Variants in STK4 observed in about 807,000 individuals in gnomAD.
STK4 encodes serine/threonine kinase 4, also known as serine/threonine-protein kinase 4.
Under a neutral mutation model 64.9 loss-of-function variants are expected in STK4, and 30 were observed. The observed-to-expected ratio is 0.46, with a 90% CI of 0.35 to 0.63. The LOEUF is 0.63. STK4 is among the 20% of genes least tolerant of loss of function. The probability of loss-of-function intolerance (pLI) is 0.01; values close to 1 mark genes in which losing one functional copy is unlikely to be tolerated. For synonymous variants in STK4, 177 were observed against 199.0 expected, an observed-to-expected ratio of 0.89 and a Z score of 0.93; for missense variants, 466 against 598.5, an observed-to-expected ratio of 0.78 and a Z score of 2.31.
chr20:45,000,467 A>G lies in STK4; in HGVS notation c.907A>G (p.Lys303Glu). The G allele has an allele frequency of 6.2e-7, 1 of 1,614,144 alleles. No homozygotes were observed. The highest frequency in any genetic ancestry group is 8.5e-7 in the Non-Finnish European group (1 of 1,179,986). ...LINEAMDVKLKRQESQQREVD... is the reference protein window; with the variant it reads ...LINEAMDVKLERQESQQREVD... ...TAATGAAGCCATGGATGTGAAACTG[A>G]AACGCCAGGAATCCCAGCAGCGGGA... Residue 303 changes from lysine (K) to glutamate (E), a missense_variant, in exon 8 of 11, where the codon AAA (lysine) becomes GAA (glutamate). This residue lies in a region of STK4 where 276 missense variants were observed against 308.9 expected (regional missense o/e 0.89). Coordinates refer to ENST00000372806, the MANE Select transcript of STK4 (RefSeq NM_006282.5).
chr20:45,027,247 A>G (rs922038437), intron 10 of STK4, among the ~76,000 whole-genome samples: 6 of 152,056 alleles, frequency 3.9e-5, no homozygotes, highest in Non-Finnish European at 8.8e-5. Context: ...TGACCAACAC[A>G]GAGAAACCCC....
chr20:45,074,948 G>T, intron 10 of STK4, 70 bp from the exon 11 acceptor site: 7 of 1,579,844 alleles, frequency 4.4e-6, no homozygotes, highest in Middle Eastern at 3.5e-4. Context: ...GCCTGGGAAG[G>T]CTGGGCTTCT....
intron 10 of STK4, among the ~76,000 whole-genome samples, chr20:45,033,493 G>A (rs372177951): frequency 2.0e-4 from 31 of 152,154 alleles, no homozygotes; most frequent in African/African-American, 4.3e-4. Context: ...TTTGCATATG[G>A]CTAGCCAGTT....
At chr20:45,053,281 T>G in intron 10 of STK4, 1 of 974,476 alleles carries the variant, frequency 1.0e-6, no homozygotes, top group South Asian at 1.5e-5. Flanking sequence ...GTTATTGAAA[T>G]GGCTTTGAGA....
chr20:44,978,429 TC>T lies in STK4; in HGVS notation c.117-11del. On this transcript the variant is annotated splice_polypyrimidine_tract_variant and intron_variant, in intron 2 of 10. Transcript: ENST00000372806. ...TTTGACTTTATAAATGTTCTTCTTC[TC>T]CCAAATGTATAGGTCCTATGGCAGC... 6.3e-7 allele frequency: 1 copy of T among 1,599,664 alleles called. No individual in the cohort carries two copies. The highest frequency in any genetic ancestry group is 8.5e-7 in the Non-Finnish European group (1 of 1,175,382).
At chr20:45,026,128 G>GGTTTTTTTTTTTTTTTTTTTTTTTTTTT (rs1490924969) in intron 10 of STK4, among the ~76,000 whole-genome samples, 1 of 128,982 alleles carries the variant, frequency 7.8e-6, no homozygotes, top group African/African-American at 3.0e-5. Context: ...TTATCCAGTG[G>GGTTTTTTTTTTTTTTTTTTTTTTTTTTT]TTTTTTTTTT....
chr20:44,976,829 C>T (rs1359836715), intron 2 of STK4, among the ~76,000 whole-genome samples: 4 of 152,164 alleles, frequency 2.6e-5, no homozygotes, highest in African/African-American at 9.7e-5. Context: ...GGGTAATTCT[C>T]GTAGTCTCAA....
In STK4 at chr20:45,040,829, T is replaced by C. The variant is rs118168334; in HGVS notation, c.1305+15699T>C. On this transcript the variant is annotated intron_variant, in intron 10 of 10. Transcript: ENST00000372806. The stretch of plus-strand genomic sequence containing the variant: ...TCCAGTGTAGATTGAATACTACTAG[T>C]TTTTTCCTTAACCACTTTCATCCCA... Among the ~76,000 whole-genome samples the C allele has an allele frequency of 4.1e-4, 62 of 151,916 alleles. No individual in the cohort carries two copies. The East Asian group carries it at 0.011, about 28-fold the overall frequency.
intron 10 of STK4, among the ~76,000 whole-genome samples, chr20:45,037,557 C>G (rs2068546899): frequency 2.0e-5 from 3 of 152,022 alleles, no homozygotes; most frequent in Admixed American, 2.0e-4. Context: ...GTAACAGAAC[C>G]TGAACAAAAT....
At chr20:45,058,647 A>G (rs1600553609) in intron 10 of STK4, among the ~76,000 whole-genome samples, 2 of 152,108 alleles carry the variant, frequency 1.3e-5, no homozygotes, top group African/African-American at 4.8e-5. Context: ...CCTTTTTGCT[A>G]TCTCGGAAAT....
intron 1 of STK4, among the ~76,000 whole-genome samples, chr20:44,968,207 G>A (rs900303420): frequency 6.6e-6 from 1 of 151,632 alleles, no homozygotes; most frequent in African/African-American, 2.4e-5. Flanking sequence ...GCGCAATCTC[G>A]GCTCACTGCT....
At chr20:44,977,229 A>C (rs2067355202) in intron 2 of STK4, among the ~76,000 whole-genome samples, 1 of 152,262 alleles carries the variant, frequency 6.6e-6, no homozygotes. Context: ...CTAGTTTTGC[A>C]AGTATGACAG....
At position 45,001,148 on chromosome 20, in the gene STK4, A is replaced by C; in HGVS notation, c.961-19A>C. 1.3e-6 allele frequency: 2 copies of C among 1,590,342 alleles called. No individual in the cohort carries two copies. The highest frequency in any genetic ancestry group is 2.2e-5 in the South Asian group (2 of 89,288). On this transcript the variant is annotated intron_variant, in intron 8 of 10. Transcript: ENST00000372806. ...CTTTTGTCAAATTAGCCCCAATTTG[A>C]GATTGTATCCTTTTACAGGAAGAGG...
intron 9 of STK4, among the ~76,000 whole-genome samples, chr20:45,020,493 TGTTTA>T: frequency 6.6e-6 from 1 of 151,246 alleles, no homozygotes; most frequent in Non-Finnish European, 1.5e-5. Flanking sequence ...TTTATGTTTA[TGTTTA>T]TGTGAGATAG....
chr20:45,029,241 A>C (rs1442378046), intron 10 of STK4, among the ~76,000 whole-genome samples: 2 of 151,750 alleles, frequency 1.3e-5, no homozygotes, highest in Non-Finnish European at 2.9e-5. Context: ...TTTAGGTATG[A>C]CCTCTCTAAT....
intron 10 of STK4, among the ~76,000 whole-genome samples, chr20:45,070,975 G>T (rs1029685473): frequency 2.6e-5 from 4 of 151,858 alleles, no homozygotes; most frequent in African/African-American, 9.7e-5. Context: ...TAATTACCAA[G>T]ATTTAATTAC....
At chr20:45,016,567 A>G (rs1221004199) in intron 9 of STK4, among the ~76,000 whole-genome samples, 2 of 152,220 alleles carry the variant, frequency 1.3e-5, no homozygotes, top group Admixed American at 6.5e-5. Flanking sequence ...TTTGGAAACC[A>G]TTAGCATTCT....
intron 7 of STK4, among the ~76,000 whole-genome samples, chr20:45,000,131 C>T (rs2067809289): frequency 6.6e-6 from 1 of 152,136 alleles, no homozygotes; most frequent in African/African-American, 2.4e-5. Context: ...GATGATACTC[C>T]CTATTGAGAA....
At chr20:45,027,995 T>G (rs1435800507) in intron 10 of STK4, among the ~76,000 whole-genome samples, 2 of 152,234 alleles carry the variant, frequency 1.3e-5, no homozygotes, top group African/African-American at 4.8e-5. Flanking sequence ...CACATCTTCT[T>G]TATCCATTTA....
Sources: allele counts gnomAD v4.1 joint callset (sites outside exome capture counted in the v4.1 genomes callset), GRCh38; gene constraint gnomAD v4.1.1; regional missense constraint gnomAD v4.1.1; transcripts MANE v1.5; gene names NCBI Gene and HGNC (gene_info 2026-07-23, HGNC 2026-07-21).